TENT4B: variants seen among roughly 807,000 people sequenced by gnomAD.
The protein encoded by TENT4B is terminal nucleotidyltransferase 4B.
Under a neutral mutation model 75.0 loss-of-function variants are expected in TENT4B, and 10 were observed. That is an observed-to-expected ratio of 0.13 (90% CI 0.08 to 0.23). The LOEUF is 0.23. Among genes scored for constraint, TENT4B ranks in the 10% least tolerant of loss-of-function variants. TENT4B has a pLI of 1.00. For missense variants in TENT4B, 579 were observed against 893.8 expected (o/e 0.65, Z 4.49); for synonymous variants, 350 against 357.7 (o/e 0.98, Z 0.24).
At position 50,231,907 on chromosome 16, in the gene TENT4B, C is replaced by T. The variant is rs4611456; in HGVS notation, c.*2579C>T. On this transcript the variant is annotated 3_prime_UTR_variant, in exon 12 of 12. Transcript: ENST00000561678. ...ATTTCTTTTTTGAGTTTTAATACTTCCTATATTTTGTGAATATATCAGAAA... is the reference window on the plus strand; with the variant it reads ...ATTTCTTTTTTGAGTTTTAATACTTTCTATATTTTGTGAATATATCAGAAA... 0.79 allele frequency: 768,407 copies of T among 977,624 alleles called. 302,471 individuals are homozygous for T. The highest frequency in any genetic ancestry group is 0.79 in the Non-Finnish European group (653,426 of 822,906). 60.6% of individuals were successfully genotyped at this position (977,624 alleles called of 1,614,324 possible).
At chr16:50,182,908 T>TTTTC (rs1268094112) in intron 1 of TENT4B, among the ~76,000 whole-genome samples, 3 of 137,208 alleles carry the variant, frequency 2.2e-5, no homozygotes, top group African/African-American at 8.0e-5. Flanking sequence ...TTTTTTTTTT[T>TTTTC]TTTTTTTTTT....
intron 1 of TENT4B, among the ~76,000 whole-genome samples, chr16:50,181,399 A>G (rs1037532020): frequency 6.6e-6 from 1 of 151,072 alleles, no homozygotes; most frequent in African/African-American, 2.4e-5. Flanking sequence ...GCTCACTGCA[A>G]CCTCTGGCTC....
chr16:50,176,129 C>T (rs903237620), intron 1 of TENT4B, among the ~76,000 whole-genome samples: 5 of 151,444 alleles, frequency 3.3e-5, no homozygotes, highest in African/African-American at 1.2e-4. Context: ...CTCTGTTGCC[C>T]AGGCTGGAGT....
Position 50,225,238 on chromosome 16 carries a change from G to A in TENT4B, c.1753G>A (p.Gly585Ser). 4 of 1,613,894 alleles carry A rather than the reference G, an allele frequency of 2.5e-6. No homozygotes were observed. The highest frequency in any genetic ancestry group is 3.4e-6 in the Non-Finnish European group (4 of 1,179,830). The change falls in exon 10 of 12, where the codon GGT becomes AGT. Residue 585 changes from glycine to serine, a missense_variant. Gly to Ser is a moderately conservative substitution (Grantham distance 56). Around this residue, in one of 7 missense-constraint regions of TENT4B, gnomAD observed 164 missense variants for 226.5 expected, o/e 0.72. Transcript: ENST00000561678. ...LSKHSSNSSSGPVSSSSATQS... is the reference protein window; with the variant it reads ...LSKHSSNSSSSPVSSSSATQS... Reference sequence around the variant, plus strand: ...TAAACACTCTTCAAACTCTTCATCAGGTCCAGTGTCGTCCTCTTCTGCCAC... The same window carrying A: ...TAAACACTCTTCAAACTCTTCATCAAGTCCAGTGTCGTCCTCTTCTGCCAC...
intron 1 of TENT4B, among the ~76,000 whole-genome samples, chr16:50,163,214 T>G (rs935761719): frequency 2.0e-5 from 3 of 152,150 alleles, no homozygotes; most frequent in Non-Finnish European, 4.4e-5. Context: ...ATTCTATAAT[T>G]AGGTGACTTT....
In TENT4B at chr16:50,231,801, A is replaced by G. The variant is rs1432994715; in HGVS notation, c.*2473A>G. 9.1e-6 allele frequency: 9 copies of G among 985,494 alleles called. No individual in the cohort carries two copies. The highest frequency in any genetic ancestry group is 3.5e-5 in the African/African-American group (2 of 57,226). The allele number at this position is 985,494 out of a possible 1,614,324, so 61.0% of individuals were successfully genotyped here. ...CAGTGTGGAAGCTGTTCATTTTTCA[A>G]TCTGAAGTAAAATACTTTCAAGAAC... On this transcript the variant is annotated 3_prime_UTR_variant, in exon 12 of 12. Coordinates refer to ENST00000561678, the MANE Select transcript of TENT4B (RefSeq NM_001365324.3).
chr16:50,192,232 C>CA (rs35218799), intron 1 of TENT4B, among the ~76,000 whole-genome samples: 11,482 of 129,444 alleles, frequency 0.089, 900 homozygotes, highest in African/African-American at 0.22. Context: ...GACTCTGTCT[C>CA]AAAAAAAAAA....
intron 1 of TENT4B, among the ~76,000 whole-genome samples, chr16:50,156,957 C>T (rs898337904): frequency 2.0e-5 from 3 of 152,176 alleles, no homozygotes; most frequent in Non-Finnish European, 4.4e-5. Context: ...CCATTCTCGC[C>T]AGTATCCTTA....
chr16:50,167,665 T>TG (rs2038127532), intron 1 of TENT4B, among the ~76,000 whole-genome samples: 3 of 69,866 alleles, frequency 4.3e-5, no homozygotes, highest in African/African-American at 1.2e-4. Context: ...TTTGAGGTTT[T>TG]TTTGTTGTTG....
intron 1 of TENT4B, among the ~76,000 whole-genome samples, chr16:50,179,825 C>G (rs1726910251): frequency 6.6e-6 from 1 of 152,136 alleles, no homozygotes; most frequent in African/African-American, 2.4e-5. Flanking sequence ...TAGTGTGCCT[C>G]TAGAATCTGG....
intron 2 of TENT4B, 28 bp from the exon 3 acceptor site, chr16:50,214,193 A>G: frequency 6.6e-7 from 1 of 1,517,492 alleles, no homozygotes; most frequent in African/African-American, 1.4e-5. Flanking sequence ...ATAACTCAAT[A>G]TAATAACAAC....
intron 10 of TENT4B, among the ~76,000 whole-genome samples, chr16:50,226,589 C>T (rs976241065): frequency 1.6e-4 from 24 of 152,140 alleles, no homozygotes; most frequent in South Asian, 2.1e-4. Flanking sequence ...CCACCACACC[C>T]GGCTAATTTT....
At chr16:50,223,451 C>T (rs1282153504) in intron 7 of TENT4B, 64 bp downstream of exon 7, 16 of 1,054,844 alleles carry the variant, frequency 1.5e-5, no homozygotes, top group Admixed American at 2.9e-5. Context: ...CCTTATTATA[C>T]TTTAAATTCT....
At position 50,230,006 on chromosome 16, in the gene TENT4B, A is replaced by C; in HGVS notation, c.*678A>C. 1.0e-6 allele frequency: 1 copy of C among 981,428 alleles called. No individual in the cohort carries two copies. The allele number at this position is 981,428 out of a possible 1,614,324, so 60.8% of individuals were successfully genotyped here. ...AGGGAAGTGATTAGTTCTATTACTC[A>C]ATTTGTTTTTCTCAGCATTGAAATG... On this transcript the variant is annotated 3_prime_UTR_variant, in exon 12 of 12. Coordinates refer to ENST00000561678, the MANE Select transcript of TENT4B (RefSeq NM_001365324.3).
chr16:50,219,195 T>A (rs1045164800), intron 5 of TENT4B, among the ~76,000 whole-genome samples: 3 of 152,206 alleles, frequency 2.0e-5, no homozygotes, highest in Admixed American at 6.5e-5. Context: ...AAAGAGACAG[T>A]GTAAAGTGAG....
intron 1 of TENT4B, among the ~76,000 whole-genome samples, chr16:50,184,583 C>T (rs765051404): frequency 1.3e-5 from 2 of 151,984 alleles, no homozygotes; most frequent in Non-Finnish European, 2.9e-5. Context: ...AGGAGAATGG[C>T]GTAAACCCGG....
intron 11 of TENT4B, among the ~76,000 whole-genome samples, chr16:50,228,353 C>A (rs2032149160): frequency 6.6e-6 from 1 of 152,182 alleles, no homozygotes; most frequent in Non-Finnish European, 1.5e-5. Flanking sequence ...AATAATGTAT[C>A]CTTTTCTAAT....
intron 1 of TENT4B, among the ~76,000 whole-genome samples, chr16:50,183,668 A>ACAGG (rs1343571298): frequency 6.6e-6 from 1 of 152,154 alleles, no homozygotes; most frequent in Non-Finnish European, 1.5e-5. Flanking sequence ...GATCACATAC[A>ACAGG]CAGGAACTCG....
chr16:50,166,197 C>A (rs2038097038), intron 1 of TENT4B, among the ~76,000 whole-genome samples: 1 of 150,408 alleles, frequency 6.6e-6, no homozygotes, highest in East Asian at 2.0e-4. Context: ...ATTCTTGTAT[C>A]TCTCAGCCTC....
Sources: allele counts gnomAD v4.1 joint callset (sites outside exome capture counted in the v4.1 genomes callset), GRCh38; gene constraint gnomAD v4.1.1; regional missense constraint gnomAD v4.1.1; transcripts MANE v1.5; gene names NCBI Gene and HGNC (gene_info 2026-07-23, HGNC 2026-07-21).